The following TPGS1 variants were observed in gnomAD, a reference collection of about 807,000 sequenced individuals.
TPGS1 encodes tubulin polyglutamylase complex subunit 1, also known as gene trap ROSA b-geo 22.
In TPGS1, 18 loss-of-function variants were observed where a neutral mutation model predicts 11.9. The ratio of observed to expected loss-of-function variants is 1.51; its 90% CI spans 1.04 to 2.24. TPGS1 has a LOEUF of 2.24. TPGS1 is among the 30% of genes most tolerant of loss of function. The probability of loss-of-function intolerance (pLI) is 0.00; values close to 1 mark genes in which losing one functional copy is unlikely to be tolerated. For synonymous variants in TPGS1, 247 were observed against 218.2 expected (o/e 1.13, Z -1.16); for missense variants, 500 against 443.0 (o/e 1.13, Z -1.16).
At chr19:512,930 T>C (rs1978843141) in intron 1 of TPGS1, among the ~76,000 whole-genome samples, 1 of 152,192 alleles carries the variant, frequency 6.6e-6, no homozygotes, top group South Asian at 2.1e-4. Flanking sequence ...CTGCAGCCGC[T>C]GCCAAGAGCC....
At chr19:517,796 G>C (rs1979004641) in intron 1 of TPGS1, among the ~76,000 whole-genome samples, 1 of 103,614 alleles carries the variant, frequency 9.7e-6, no homozygotes, top group Non-Finnish European at 2.0e-5. Flanking sequence ...GGGAGACCCA[G>C]GTTGGGAGGA....
rs780542233 is a variant in TPGS1, at chr19:507,633, G to T, written c.127G>T (p.Gly43Cys). Reference protein sequence around the residue: ...ESEEDFLRQVGVTEMLRAALL... With the variant: ...ESEEDFLRQVCVTEMLRAALL... The stretch of plus-strand genomic sequence containing the variant: ...CGAGGAGGACTTCCTGCGGCAGGTC[G>T]GCGTGACGGAAATGCTACGTGCGGC... The change falls in exon 1 of 2, where the codon GGC (glycine) becomes TGC (cysteine). Residue 43 changes from glycine to cysteine, a missense_variant. Coordinates refer to ENST00000359315, the MANE Select transcript of TPGS1 (RefSeq NM_033513.3). 7.2e-7 allele frequency: 1 copy of T among 1,393,080 alleles called. No homozygotes were observed. 86.3% of individuals were successfully genotyped at this position (1,393,080 alleles called of 1,614,324 possible).
chr19:511,536 A>G (rs1371014008), intron 1 of TPGS1, among the ~76,000 whole-genome samples: 1 of 152,254 alleles, frequency 6.6e-6, no homozygotes, highest in African/African-American at 2.4e-5. Flanking sequence ...CGTCCTCACA[A>G]GAACCCCCAC....
chr19:512,117 C>T (rs945031627), intron 1 of TPGS1, among the ~76,000 whole-genome samples: 4 of 152,114 alleles, frequency 2.6e-5, no homozygotes, highest in Admixed American at 6.5e-5. Context: ...GTGATCCACC[C>T]GCCTCGGCCT....
Position 519,428 on chromosome 19 carries a change from C to G in TPGS1, c.*5C>G, listed in dbSNP as rs1450241877. 3.3e-6 allele frequency: 4 copies of G among 1,210,234 alleles called. No homozygotes were observed. Among genetic ancestry groups the G allele is most frequent in the Admixed American group, 4.4e-5 (1 of 22,660 alleles). The allele number at this position is 1,210,234 out of a possible 1,614,324, so 75.0% of individuals were successfully genotyped here. A position where few individuals can be genotyped will look rare whatever the true frequency, so the allele number is the denominator to read the frequency against. On this transcript the variant is annotated 3_prime_UTR_variant, in exon 2 of 2. Coordinates refer to ENST00000359315, the MANE Select transcript of TPGS1 (RefSeq NM_033513.3). The stretch of plus-strand genomic sequence containing the variant: ...AAGGTCAAGCCGGTGGGCTGAGGCC[C>G]GTGGGCCGCGCGGATCCGGGATCTG...
intron 1 of TPGS1, 90 bp downstream of exon 1, chr19:507,934 G>A (rs911952650): frequency 5.7e-6 from 6 of 1,060,090 alleles, no homozygotes; most frequent in African/African-American, 3.3e-5. Flanking sequence ...CAGCGCCGGC[G>A]CAGGGGCCCG....
intron 1 of TPGS1, chr19:509,828 AAG>A (rs1978731988): frequency 1.3e-5 from 2 of 152,308 alleles, no homozygotes; most frequent in Admixed American, 1.3e-4. Context: ...CATTGGCTGG[AAG>A]AGTTCTCATA....
At chr19:514,445 C>G (rs1978893824) in intron 1 of TPGS1, among the ~76,000 whole-genome samples, 6 of 152,102 alleles carry the variant, frequency 3.9e-5, no homozygotes, top group Admixed American at 3.3e-4. Context: ...TACTGAGCAC[C>G]TATTGCATTC....
rs1258408026 is a variant in TPGS1 at position 519,416 on chromosome 19, TG to T, written c.869del (p.Gly290AlafsTer34). On this transcript the variant is annotated frameshift_variant, in exon 2 of 2. Transcript: ENST00000359315. LOFTEE classifies it high-confidence loss of function. ...CTCTTCATCGCGAAGGTCAAGCCGG[TG>T]GGCTGAGGCCCGTGGGCCGCGCGGA... ...AALFIAKVKPVG is the reference protein window; with the variant it reads ...AALFIAKVKPXG 7 of 1,218,970 alleles carry T rather than the reference TG, an allele frequency of 5.7e-6. No homozygotes were observed. The highest frequency in any genetic ancestry group is 7.2e-6 in the Non-Finnish European group (7 of 978,456). 75.5% of individuals were successfully genotyped at this position (1,218,970 alleles called of 1,614,324 possible).
At chr19:511,788 G>A (rs193033187) in intron 1 of TPGS1, among the ~76,000 whole-genome samples, 18 of 152,332 alleles carry the variant, frequency 1.2e-4, no homozygotes, top group South Asian at 2.1e-4. Flanking sequence ...CTGCGAGCAC[G>A]ACAGGAACCA....
intron 1 of TPGS1, among the ~76,000 whole-genome samples, chr19:515,822 G>A (rs35142754): frequency 0.19 from 29,243 of 151,856 alleles, 4,187 homozygotes; most frequent in African/African-American, 0.41. Flanking sequence ...CACGAGGTCA[G>A]GAGATCGAGA....
Position 519,364 on chromosome 19 carries a change from G to A in TPGS1, c.814G>A (p.Glu272Lys). ...GRRPSAPMTREEFLERAAALF... is the reference protein window; with the variant it reads ...GRRPSAPMTRKEFLERAAALF... Reference sequence around the variant, plus strand: ...GCGGCCCAGCGCGCCCATGACCCGCGAGGAGTTTCTGGAGAGGGCCGCCGC... The same window carrying A: ...GCGGCCCAGCGCGCCCATGACCCGCAAGGAGTTTCTGGAGAGGGCCGCCGC... The change falls in exon 2 of 2, where the codon GAG becomes AAG. Residue 272 changes from glutamate to lysine, a missense_variant. By Grantham distance (56) the Glu-to-Lys change is moderately conservative (BLOSUM62 1). Transcript: ENST00000359315. 8.2e-7 allele frequency: 1 copy of A among 1,217,328 alleles called. No individual in the cohort carries two copies. Among genetic ancestry groups the A allele is most frequent in the Non-Finnish European group, 1.0e-6 (1 of 978,162 alleles). The allele number at this position is 1,217,328 out of a possible 1,614,324, so 75.4% of individuals were successfully genotyped here.
Position 507,765 on chromosome 19 carries a change from C to A in TPGS1, c.259C>A (p.Pro87Thr). 7.2e-7 allele frequency: 1 copy of A among 1,390,936 alleles called. No homozygotes were observed. The highest frequency in any genetic ancestry group is 9.3e-7 in the Non-Finnish European group (1 of 1,074,394). The allele number at this position is 1,390,936 out of a possible 1,614,324, so 86.2% of individuals were successfully genotyped here. The change falls in exon 1 of 2, where the codon CCC becomes ACC. Residue 87 changes from proline (P) to threonine (T), a missense_variant. Physicochemically the swap from Pro to Thr is conservative, Grantham distance 38. Coordinates refer to ENST00000359315, the MANE Select transcript of TPGS1 (RefSeq NM_033513.3). Reference sequence around the variant, plus strand: ...GCCTGTAAACGGCGGCGCCGGGGAGCCCCCGGGCCAGCTCCTGCTGCAGCA... The same window carrying A: ...GCCTGTAAACGGCGGCGCCGGGGAGACCCCGGGCCAGCTCCTGCTGCAGCA... The part of the protein sequence containing the change: ...RSPVNGGAGE[P>T]PGQLLLQQQR...
chr19:511,643 C>T (rs1370808347), intron 1 of TPGS1, among the ~76,000 whole-genome samples: 1 of 152,258 alleles, frequency 6.6e-6, no homozygotes, highest in Admixed American at 6.5e-5. Flanking sequence ...GGCACAGAGC[C>T]CTGCACACCG....
chr19:515,131 G>A (rs545923714), intron 1 of TPGS1, among the ~76,000 whole-genome samples: 12 of 152,284 alleles, frequency 7.9e-5, no homozygotes, highest in African/African-American at 2.4e-4. Flanking sequence ...ACATGTCAGC[G>A]GACTGATGTG....
chr19:516,029 C>T (rs1261779720), intron 1 of TPGS1, among the ~76,000 whole-genome samples: 16 of 128,960 alleles, frequency 1.2e-4, no homozygotes, highest in Non-Finnish European at 1.7e-5. Flanking sequence ...GAGACTCCGT[C>T]TCAAAAAAAA....
At position 516,856 on chromosome 19, in the gene TPGS1, G is replaced by A. The variant is rs573324731; in HGVS notation, c.339-2033G>A. Among the ~76,000 whole-genome samples the A allele has an allele frequency of 2.0e-5, 3 of 152,304 alleles. No homozygotes were observed. The East Asian group carries it at 5.8e-4, about 29-fold the overall frequency. On this transcript the variant is annotated intron_variant, in intron 1 of 1. Coordinates refer to ENST00000359315, the MANE Select transcript of TPGS1 (RefSeq NM_033513.3). Reference sequence around the variant, plus strand: ...ACTGACTACAGAGAGAAGACAGGCTGTTAACATTCTCTTTTAACTTGAGTG... The same window carrying A: ...ACTGACTACAGAGAGAAGACAGGCTATTAACATTCTCTTTTAACTTGAGTG...
chr19:513,177 G>A (rs1463152368), intron 1 of TPGS1, among the ~76,000 whole-genome samples: 1 of 152,238 alleles, frequency 6.6e-6, no homozygotes, highest in African/African-American at 2.4e-5. Flanking sequence ...CCCCGGTGCG[G>A]CTCCTGCTGG....
chr19:510,367 T>C lies in TPGS1; in HGVS notation c.338+2523T>C, dbSNP rs186191319. The C allele has an allele frequency of 6.6e-3, 992 of 151,318 alleles. 5 individuals are homozygous for C. The highest frequency in any genetic ancestry group is 0.01 in the Non-Finnish European group (696 of 68,046). The allele number at this position is 151,318 out of a possible 1,614,324, so 9.4% of individuals were successfully genotyped here. On this transcript the variant is annotated intron_variant, in intron 1 of 1. Transcript: ENST00000359315. ...CAGCCTGGGCGACAGAGCGAGACTC[T>C]GTCTCAAAAAAAAAAAAAGAGAAGC... is the stretch of plus-strand genomic sequence containing the variant.
Sources: allele counts gnomAD v4.1 joint callset (sites outside exome capture counted in the v4.1 genomes callset), GRCh38; gene constraint gnomAD v4.1.1; transcripts MANE v1.5; gene names NCBI Gene and HGNC (gene_info 2026-07-23, HGNC 2026-07-21).